The following NKAIN2 variants were observed in gnomAD, a reference collection of about 807,000 sequenced individuals.
NKAIN2 encodes sodium/potassium transporting ATPase interacting 2, also known as sodium/potassium-transporting ATPase subunit beta-1-interacting protein 2.
Under a neutral mutation model 32.6 loss-of-function variants are expected in NKAIN2, and 14 were observed. The observed-to-expected ratio is 0.43, with a 90% CI of 0.28 to 0.67. NKAIN2 has a LOEUF of 0.67. NKAIN2 is among the 30% of genes least tolerant of loss of function. The probability of loss-of-function intolerance (pLI) is 0.17; values close to 1 mark genes in which losing one functional copy is unlikely to be tolerated. For synonymous variants in NKAIN2, 80 were observed against 87.2 expected, an observed-to-expected ratio of 0.92 and a Z score of 0.46; for missense variants, 198 against 258.3, an observed-to-expected ratio of 0.77 and a Z score of 1.60.
intron 4 of NKAIN2, among the ~76,000 whole-genome samples, chr6:124,759,058 A>T (rs532731154): frequency 6.6e-6 from 1 of 152,220 alleles, no homozygotes; most frequent in South Asian, 2.1e-4. Flanking sequence ...TTTTTGCCAC[A>T]TGTATTGTAC....
chr6:124,216,956 A>C (rs1464589040), intron 1 of NKAIN2, among the ~76,000 whole-genome samples: 4 of 152,184 alleles, frequency 2.6e-5, no homozygotes, highest in African/African-American at 9.6e-5. Context: ...TATAAATAAC[A>C]AGAATTGACT....
chr6:124,548,592 G>T (rs944594384), intron 3 of NKAIN2, among the ~76,000 whole-genome samples: 2 of 152,162 alleles, frequency 1.3e-5, no homozygotes, highest in African/African-American at 4.8e-5. Context: ...GAGGGAAGAG[G>T]AAAGGTCTTC....
At chr6:124,167,940 A>C (rs1450198103) in intron 1 of NKAIN2, among the ~76,000 whole-genome samples, 1 of 152,194 alleles carries the variant, frequency 6.6e-6, no homozygotes. Flanking sequence ...ATCAAAGTAC[A>C]TGTGACCATA....
At chr6:124,154,495 A>G (rs980487773) in intron 1 of NKAIN2, among the ~76,000 whole-genome samples, 7 of 152,102 alleles carry the variant, frequency 4.6e-5, no homozygotes, top group African/African-American at 1.7e-4. Flanking sequence ...TACTGATGCT[A>G]CGAAGACTTT....
intron 2 of NKAIN2, among the ~76,000 whole-genome samples, chr6:124,324,349 C>A (rs1350055428): frequency 6.6e-6 from 1 of 151,796 alleles, no homozygotes; most frequent in Non-Finnish European, 1.5e-5. Context: ...ACCTAAGTAT[C>A]TGAGGCCTTT....
intron 1 of NKAIN2, among the ~76,000 whole-genome samples, chr6:123,963,773 C>T (rs1777955857): frequency 6.6e-6 from 1 of 152,100 alleles, no homozygotes; most frequent in Non-Finnish European, 1.5e-5. Context: ...AGAACACACT[C>T]AATATTGTTG....
rs1777365979 is a variant in NKAIN2, at chr6:123,952,322, G to A, written c.54+148068G>A. Among the ~76,000 whole-genome samples, 3 of 152,078 alleles carry A rather than the reference G, an allele frequency of 2.0e-5. No individual in the cohort carries two copies. In the South Asian group the frequency reaches 6.2e-4, roughly 32 times the overall value. ...GATGTGTTTCTTTTTCTGTTATTAG[G>A]AATCTCTCTTTTTCTTTGACTTTTG... On this transcript the variant is annotated intron_variant, in intron 1 of 6. Transcript: ENST00000368417.
intron 2 of NKAIN2, among the ~76,000 whole-genome samples, chr6:124,285,645 G>C (rs533507001): frequency 6.6e-6 from 1 of 152,004 alleles, no homozygotes; most frequent in Admixed American, 6.6e-5. Context: ...AGGTATCTAT[G>C]TCTGTGTAAC....
intron 5 of NKAIN2, among the ~76,000 whole-genome samples, chr6:124,801,766 T>G (rs1286864894): frequency 1.3e-5 from 2 of 152,202 alleles, no homozygotes; most frequent in Non-Finnish European, 2.9e-5. Context: ...TCATGCAGTT[T>G]AGAAGAGGGA....
chr6:124,497,221 T>C (rs1778095525), intron 3 of NKAIN2, among the ~76,000 whole-genome samples: 1 of 152,224 alleles, frequency 6.6e-6, no homozygotes, highest in Non-Finnish European at 1.5e-5. Context: ...CTTTTTTTGA[T>C]GCATTTTTAC....
chr6:124,727,899 G>A (rs936893539), intron 4 of NKAIN2, among the ~76,000 whole-genome samples: 3 of 147,108 alleles, frequency 2.0e-5, no homozygotes, highest in Non-Finnish European at 3.0e-5. Flanking sequence ...AAAGGCAGGG[G>A]TTGCAATCCT....
chr6:124,047,663 G>A (rs958450572), intron 1 of NKAIN2, among the ~76,000 whole-genome samples: 1 of 151,948 alleles, frequency 6.6e-6, no homozygotes, highest in African/African-American at 2.4e-5. Context: ...ATCAGCTCTG[G>A]CACCCAGGAT....
chr6:124,633,736 T>C (rs1481547773), intron 3 of NKAIN2, among the ~76,000 whole-genome samples: 5 of 152,200 alleles, frequency 3.3e-5, no homozygotes, highest in Non-Finnish European at 7.3e-5. Flanking sequence ...GTTAAAATCT[T>C]TGGAGCCCAG....
At chr6:124,182,581 A>G (rs1419361757) in intron 1 of NKAIN2, among the ~76,000 whole-genome samples, 1 of 152,190 alleles carries the variant, frequency 6.6e-6, no homozygotes, top group East Asian at 1.9e-4. Context: ...AATTTTACTT[A>G]TATTTTTATT....
At chr6:124,594,970 G>C (rs1421550544) in intron 3 of NKAIN2, among the ~76,000 whole-genome samples, 1 of 152,156 alleles carries the variant, frequency 6.6e-6, no homozygotes, top group Non-Finnish European at 1.5e-5. Context: ...CTCCCTGAAG[G>C]GCTCAGTGAA....
rs563438988 is a variant in NKAIN2, at chr6:123,824,247, G to GC, written c.54+19994dup. On this transcript the variant is annotated intron_variant, in intron 1 of 6. Transcript: ENST00000368417. ...ACAAAGTCCATGCACTAACACTTAT[G>GC]CACCCTACCAATAATCACCACCCAC... 9.0e-4 allele frequency among the ~76,000 whole-genome samples: 137 copies of GC among 152,080 alleles called. 1 individual carries two copies. The highest frequency in any genetic ancestry group is 3.1e-3 in the African/African-American group (129 of 41,488).
chr6:124,681,366 T>G, intron 4 of NKAIN2, among the ~76,000 whole-genome samples: 1 of 151,454 alleles, frequency 6.6e-6, no homozygotes, highest in South Asian at 2.1e-4. Flanking sequence ...ATCACACATC[T>G]AACTGTCTTC....
chr6:124,704,963 T>A (rs758162922), intron 4 of NKAIN2, among the ~76,000 whole-genome samples: 11 of 152,070 alleles, frequency 7.2e-5, no homozygotes, highest in Non-Finnish European at 1.5e-4. Flanking sequence ...TTAATACTTA[T>A]AATGACCATA....
chr6:124,300,635 CT>C (rs1258928385), intron 2 of NKAIN2, among the ~76,000 whole-genome samples: 2 of 152,156 alleles, frequency 1.3e-5, no homozygotes, highest in African/African-American at 4.8e-5. Flanking sequence ...TGTTGAATGG[CT>C]TTGATCAAAG....
Sources: allele counts gnomAD v4.1 joint callset (sites outside exome capture counted in the v4.1 genomes callset), GRCh38; gene constraint gnomAD v4.1.1; transcripts MANE v1.5; gene names NCBI Gene and HGNC (gene_info 2026-07-23, HGNC 2026-07-21).